EMILIN2: variants seen among roughly 807,000 people sequenced by gnomAD.
The protein encoded by EMILIN2 is EMILIN-2.
A neutral mutation model predicts 87.1 loss-of-function variants in EMILIN2; 71 were observed. The observed-to-expected ratio is 0.82, with a 90% CI of 0.67 to 0.99. EMILIN2 has a LOEUF of 0.99. Ranked by LOEUF, EMILIN2 falls within the 50% of genes least tolerant of loss-of-function variation. EMILIN2 has a pLI of 0.00. For synonymous variants in EMILIN2, 581 were observed against 563.4 expected, an observed-to-expected ratio of 1.03 and a Z score of -0.44; for missense variants, 1,407 against 1,371.8, an observed-to-expected ratio of 1.03 and a Z score of -0.40.
chr18:2,859,679 C>T (rs773154826), intron 2 of EMILIN2, among the ~76,000 whole-genome samples: 1 of 152,172 alleles, frequency 6.6e-6, no homozygotes, highest in Non-Finnish European at 1.5e-5. Context: ...CCAATGTTAT[C>T]TTCTAGCATT....
At chr18:2,854,337 G>A (rs2076616522) in intron 2 of EMILIN2, among the ~76,000 whole-genome samples, 1 of 152,172 alleles carries the variant, frequency 6.6e-6, no homozygotes, top group Non-Finnish European at 1.5e-5. Context: ...GCTGAGATAA[G>A]GCCTGCCAGG....
At position 2,891,000 on chromosome 18, in the gene EMILIN2, A is replaced by C; in HGVS notation, c.873A>C (p.Glu291Asp). The change falls in exon 4 of 8, where the codon GAA becomes GAC. Residue 291 changes from glutamate to aspartate, a missense_variant. Physicochemically the swap from Glu to Asp is conservative, Grantham distance 45. Coordinates refer to ENST00000254528, the MANE Select transcript of EMILIN2 (RefSeq NM_032048.3). This position sits in a 1 kb window ranked among gnomAD's most constrained non-coding sequence, Gnocchi z 4.7. ...EELDGKVKGY[E>D]GQLRQLQEAA... ...TGGATGGAAAAGTGAAGGGCTACGA[A>C]GGGCAGCTCAGACAGCTCCAGGAAG... 1.2e-6 allele frequency: 2 copies of C among 1,614,230 alleles called. No homozygotes were observed. Among genetic ancestry groups the C allele is most frequent in the Non-Finnish European group, 1.7e-6 (2 of 1,180,038 alleles).
At chr18:2,871,430 G>A (rs1277290501) in intron 2 of EMILIN2, among the ~76,000 whole-genome samples, 4 of 152,186 alleles carry the variant, frequency 2.6e-5, no homozygotes, top group Non-Finnish European at 5.9e-5. Flanking sequence ...TGTGCAAAAC[G>A]TACTTGGGTT....
chr18:2,870,742 C>A (rs1008858124), intron 2 of EMILIN2, among the ~76,000 whole-genome samples: 1 of 152,198 alleles, frequency 6.6e-6, no homozygotes, highest in Non-Finnish European at 1.5e-5. Flanking sequence ...CCAAGACACA[C>A]GAGCAGGGAC....
chr18:2,912,966 T>C, intron 7 of EMILIN2, 101 bp from the exon 8 acceptor site: 1 of 1,232,178 alleles, frequency 8.1e-7, no homozygotes, highest in Non-Finnish European at 1.1e-6. Context: ...CAGAGATGGC[T>C]GGTCTCCCAG....
At chr18:2,889,138 T>C (rs9965824) in intron 3 of EMILIN2, among the ~76,000 whole-genome samples, 1,253 of 87,914 alleles carry the variant, frequency 0.014, 6 homozygotes, top group Middle Eastern at 0.073. Context: ...CTTTTCTTTT[T>C]TTTTTTTTTT....
In EMILIN2 at chr18:2,913,274, T is replaced by C; in HGVS notation, c.3032T>C (p.Ile1011Thr). 6 of 1,613,638 alleles carry C rather than the reference T, an allele frequency of 3.7e-6. No individual in the cohort carries two copies. The highest frequency in any genetic ancestry group is 5.1e-6 in the Non-Finnish European group (6 of 1,179,678). ...TCGGPGAFHLIVHLKAGDAVN... is the reference protein window; with the variant it reads ...TCGGPGAFHLTVHLKAGDAVN... ...GGGGGCCCGGGGGCATTCCACCTCA[T>C]CGTGCACCTGAAGGCGGGAGATGCA... Residue 1011 changes from isoleucine to threonine, a missense_variant, in exon 8 of 8, where the codon ATC becomes ACC. Coordinates refer to ENST00000254528, the MANE Select transcript of EMILIN2 (RefSeq NM_032048.3).
intron 3 of EMILIN2, among the ~76,000 whole-genome samples, chr18:2,887,659 A>G (rs575051986): frequency 6.6e-6 from 1 of 152,170 alleles, no homozygotes; most frequent in East Asian, 1.9e-4. Context: ...TGCTGACACC[A>G]TGTTTCTTGT....
At chr18:2,889,099 T>G (rs1442841842) in intron 3 of EMILIN2, among the ~76,000 whole-genome samples, 3 of 151,158 alleles carry the variant, frequency 2.0e-5, no homozygotes, top group African/African-American at 7.3e-5. Context: ...CTTTCTTTCT[T>G]TTTCTTTTTC....
At chr18:2,861,643 A>G (rs369610812) in intron 2 of EMILIN2, among the ~76,000 whole-genome samples, 6 of 151,992 alleles carry the variant, frequency 3.9e-5, no homozygotes, top group African/African-American at 2.4e-5. Flanking sequence ...TAGCCTTGTA[A>G]TATAGTTTGA....
At chr18:2,885,515 GTTTTTTA>G (rs1471806750) in intron 3 of EMILIN2, among the ~76,000 whole-genome samples, 1 of 152,054 alleles carries the variant, frequency 6.6e-6, no homozygotes, top group Non-Finnish European at 1.5e-5. Flanking sequence ...GGTTAAAATT[GTTTTTTA>G]TTTTTTATTT....
Position 2,892,022 on chromosome 18 carries a change from G to T in EMILIN2, c.1895G>T (p.Cys632Phe). The change falls in exon 4 of 8, where the codon TGT (cysteine) becomes TTT (phenylalanine). Residue 632 changes from cysteine to phenylalanine, a missense_variant. Transcript: ENST00000254528. ...VTHLQKEMSNCRAGENAGMGR... is the reference protein window; with the variant it reads ...VTHLQKEMSNFRAGENAGMGR... ...CATCTTCAAAAGGAAATGAGCAATTGTAGAGCAGGTGAAAACGCTGGCATG... is the reference window on the plus strand; with the variant it reads ...CATCTTCAAAAGGAAATGAGCAATTTTAGAGCAGGTGAAAACGCTGGCATG... The T allele has an allele frequency of 6.2e-7, 1 of 1,614,254 alleles. No individual in the cohort carries two copies. The highest frequency in any genetic ancestry group is 8.5e-7 in the Non-Finnish European group (1 of 1,180,038).
intron 2 of EMILIN2, among the ~76,000 whole-genome samples, chr18:2,866,006 A>G (rs1327890106): frequency 6.6e-6 from 1 of 152,210 alleles, no homozygotes; most frequent in Non-Finnish European, 1.5e-5. Context: ...GGACCTTCCG[A>G]GCCTGGTGCG....
chr18:2,877,374 C>T (rs1267701484), intron 2 of EMILIN2, among the ~76,000 whole-genome samples: 1 of 150,282 alleles, frequency 6.7e-6, no homozygotes, highest in Non-Finnish European at 1.5e-5. Flanking sequence ...AAAAAGCCCT[C>T]TTTTTTTTTC....
chr18:2,873,435 C>A (rs576958265), intron 2 of EMILIN2, among the ~76,000 whole-genome samples: 1 of 143,266 alleles, frequency 7.0e-6, no homozygotes, highest in African/African-American at 2.6e-5. Context: ...TAGCTGGGCG[C>A]GGTAGCTCAC....
At chr18:2,858,668 C>G (rs1382982793) in intron 2 of EMILIN2, among the ~76,000 whole-genome samples, 1 of 148,506 alleles carries the variant, frequency 6.7e-6, no homozygotes, top group South Asian at 2.1e-4. Flanking sequence ...GATTCTCACT[C>G]TGTTGCCCAG....
chr18:2,909,265 C>T (rs1003457436), intron 6 of EMILIN2, among the ~76,000 whole-genome samples: 3 of 152,218 alleles, frequency 2.0e-5, no homozygotes, highest in African/African-American at 7.2e-5. Flanking sequence ...TGGGCCTCTG[C>T]CCTTGTGTGG....
At chr18:2,863,455 T>G (rs192408730) in intron 2 of EMILIN2, among the ~76,000 whole-genome samples, 1 of 152,358 alleles carries the variant, frequency 6.6e-6, no homozygotes, top group East Asian at 1.9e-4. Flanking sequence ...ACATCTTTAT[T>G]TCTGCCTTCA....
chr18:2,877,551 G>T (rs1268200663), intron 2 of EMILIN2, among the ~76,000 whole-genome samples: 1 of 151,528 alleles, frequency 6.6e-6, no homozygotes, highest in African/African-American at 2.4e-5. Flanking sequence ...GCTGAGGTGG[G>T]CGGACCACCT....
Sources: gnomAD v4.1 joint callset for allele counts (sites outside exome capture counted in the v4.1 genomes callset) on GRCh38, gnomAD v4.1.1 for gene constraint, Gnocchi (gnomAD v3.1) non-coding constraint, MANE v1.5 for transcripts, NCBI Gene and HGNC (gene_info 2026-07-23, HGNC 2026-07-21) for gene names.